Variants in SLC39A11 observed in about 807,000 individuals in gnomAD.
SLC39A11 encodes the protein solute carrier family 39 member 11.
SLC39A11 carries 33 observed loss-of-function variants against 36.1 expected under a neutral mutation model. The observed-to-expected ratio is 0.91, with a 90% CI of 0.69 to 1.22. The LOEUF is 1.22. Ranked by LOEUF, SLC39A11 falls within the 50% of genes most tolerant of loss-of-function variation. SLC39A11 has a pLI of 0.00. For synonymous variants in SLC39A11, 166 were observed against 170.3 expected (o/e 0.97, Z 0.20); for missense variants, 432 against 430.3 (o/e 1.00, Z -0.03).
intron 4 of SLC39A11, among the ~76,000 whole-genome samples, chr17:72,956,895 C>T (rs184672741): frequency 4.6e-5 from 7 of 152,240 alleles, no homozygotes; most frequent in East Asian, 1.9e-4. Context: ...AAAAAACAGC[C>T]GGTTATTATT....
chr17:72,949,157 T>TTTTTTTTTTTTTC (rs2085672501), intron 4 of SLC39A11, among the ~76,000 whole-genome samples: 1 of 117,682 alleles, frequency 8.5e-6, no homozygotes, highest in Non-Finnish European at 1.8e-5. Context: ...TTTTTTTTTT[T>TTTTTTTTTTTTTC]TTTTTTTTTT....
intron 5 of SLC39A11, among the ~76,000 whole-genome samples, chr17:72,897,572 T>A (rs1430553193): frequency 6.6e-6 from 1 of 152,074 alleles, no homozygotes; most frequent in South Asian, 2.1e-4. Context: ...GAGGAGCCGA[T>A]GGGTTGAGTT....
At chr17:72,900,188 A>AAGGAAGGAAG (rs1567912814) in intron 5 of SLC39A11, among the ~76,000 whole-genome samples, 1 of 137,530 alleles carries the variant, frequency 7.3e-6, no homozygotes, top group African/African-American at 3.4e-5. Flanking sequence ...AAAGAAAGAA[A>AAGGAAGGAAG]GAAAGAAAGA....
intron 4 of SLC39A11, among the ~76,000 whole-genome samples, chr17:72,981,022 C>CAAAA (rs959533291): frequency 1.1e-3 from 85 of 78,352 alleles, no homozygotes; most frequent in African/African-American, 3.3e-3. Context: ...GACTCCATCT[C>CAAAA]AAAAAAAAAA....
intron 6 of SLC39A11, among the ~76,000 whole-genome samples, chr17:72,840,652 A>T (rs2078762869): frequency 6.6e-6 from 1 of 151,956 alleles, no homozygotes; most frequent in South Asian, 2.1e-4. Flanking sequence ...CCAGCTACTC[A>T]GGAGGCTGAG....
At chr17:72,748,624 AAAC>A (rs1282138507) in intron 6 of SLC39A11, among the ~76,000 whole-genome samples, 3 of 152,194 alleles carry the variant, frequency 2.0e-5, no homozygotes, top group African/African-American at 7.2e-5. Context: ...CCACATCTTC[AAAC>A]AACAGGTGAA....
intron 5 of SLC39A11, among the ~76,000 whole-genome samples, chr17:72,946,875 C>T (rs1194302256): frequency 6.6e-6 from 1 of 152,216 alleles, no homozygotes; most frequent in African/African-American, 2.4e-5. Flanking sequence ...TCTCAAAGGG[C>T]AACAGCCCAC....
chr17:72,846,233 T>C (rs1341281628), intron 6 of SLC39A11, among the ~76,000 whole-genome samples: 1 of 152,110 alleles, frequency 6.6e-6, no homozygotes, highest in Non-Finnish European at 1.5e-5. Context: ...TTTCGCCATG[T>C]TGGCCAGGCT....
intron 7 of SLC39A11, chr17:72,663,814 A>G (rs1182758047): frequency 6.6e-6 from 1 of 152,242 alleles, no homozygotes; most frequent in South Asian, 2.1e-4. Context: ...TGCAGCAAAC[A>G]CATCAGGGGA....
In SLC39A11 at chr17:72,736,735, G is replaced by C; in HGVS notation, c.602-16C>G. The stretch of plus-strand genomic sequence containing the variant: ...GCGAGACCCTCTGAAATAGATGTAA[G>C]AAAAGCAAGAGGGGTTAGGAATATT... On this transcript the variant is annotated splice_polypyrimidine_tract_variant and intron_variant, in intron 6 of 9. Transcript: ENST00000255559. 6.2e-7 allele frequency: 1 copy of C among 1,606,818 alleles called. No individual in the cohort carries two copies. The highest frequency in any genetic ancestry group is 2.2e-5 in the East Asian group (1 of 44,848).
intron 4 of SLC39A11, among the ~76,000 whole-genome samples, chr17:73,024,737 A>T (rs1021915971): frequency 6.6e-6 from 1 of 151,754 alleles, no homozygotes; most frequent in African/African-American, 2.4e-5. Flanking sequence ...TTGCTATGCC[A>T]CCCAGGCTGG....
At chr17:73,045,616 G>C (rs1284722711) in intron 3 of SLC39A11, among the ~76,000 whole-genome samples, 1 of 151,950 alleles carries the variant, frequency 6.6e-6, no homozygotes, top group Non-Finnish European at 1.5e-5. Context: ...TTTTTTGTTT[G>C]AGTTCAATGT....
chr17:72,809,136 C>T (rs1013655484), intron 6 of SLC39A11, among the ~76,000 whole-genome samples: 3 of 152,072 alleles, frequency 2.0e-5, no homozygotes, highest in African/African-American at 7.2e-5. Context: ...CTCTCTTCCC[C>T]GGAGGATATA....
chr17:73,092,612 AGG>A lies in SLC39A11; in HGVS notation c.-15_-14del, dbSNP rs1174254768. The A allele has an allele frequency of 1.3e-5, 2 of 152,974 alleles. No individual in the cohort carries two copies. Among genetic ancestry groups the A allele is most frequent in the African/African-American group, 4.8e-5 (2 of 41,432 alleles). The allele number at this position is 152,974 out of a possible 1,614,324, so 9.5% of individuals were successfully genotyped here. On this transcript the variant is annotated splice_region_variant and 5_prime_UTR_variant, in exon 1 of 10. Coordinates refer to ENST00000255559, the MANE Select transcript of SLC39A11 (RefSeq NM_139177.4). ...CGAAGGAGAGAAAAGCCAACTCACTAGGGTGCCCTCTCCAGCCCCCACTGCAC... is the reference window on the plus strand; with the variant it reads ...CGAAGGAGAGAAAAGCCAACTCACTAGTGCCCTCTCCAGCCCCCACTGCAC...
Position 72,692,797 on chromosome 17 carries a change from G to A in SLC39A11, c.672-43529C>T, listed in dbSNP as rs555115843. Among the ~76,000 whole-genome samples the A allele has an allele frequency of 3.9e-5, 6 of 152,278 alleles. No homozygotes were observed. In the South Asian group the frequency reaches 1.0e-3, roughly 26 times the overall value. On this transcript the variant is annotated intron_variant, in intron 7 of 9. Coordinates refer to ENST00000255559, the MANE Select transcript of SLC39A11 (RefSeq NM_139177.4). ...TGTCCATGAGATACTTGTACACACA[G>A]GACAACTTGGGACTGGAAAAAAGAA...
intron 6 of SLC39A11, among the ~76,000 whole-genome samples, chr17:72,849,095 A>T (rs1185592986): frequency 1.4e-5 from 2 of 145,216 alleles, no homozygotes; most frequent in Non-Finnish European, 3.1e-5. Flanking sequence ...ATAAGATAAC[A>T]TATATTTACT....
intron 7 of SLC39A11, among the ~76,000 whole-genome samples, chr17:72,728,862 G>A (rs2074040248): frequency 6.6e-6 from 1 of 151,944 alleles, no homozygotes; most frequent in African/African-American, 2.4e-5. Context: ...CTTGTCACTT[G>A]GACTCAAATT....
chr17:73,043,931 A>G (rs1432277783), intron 3 of SLC39A11, among the ~76,000 whole-genome samples: 2 of 152,202 alleles, frequency 1.3e-5, no homozygotes, highest in Non-Finnish European at 2.9e-5. Context: ...TGCTTTTATC[A>G]AGAAGCCTTC....
intron 5 of SLC39A11, among the ~76,000 whole-genome samples, chr17:72,897,052 C>CAAAAAAAAAA (rs10656675): frequency 8.4e-4 from 54 of 64,054 alleles, no homozygotes; most frequent in African/African-American, 1.1e-3. Context: ...GACTCTGTCT[C>CAAAAAAAAAA]AAAAAAAAAA....
Sources: allele counts gnomAD v4.1 joint callset (sites outside exome capture counted in the v4.1 genomes callset), GRCh38; gene constraint gnomAD v4.1.1; transcripts MANE v1.5; gene names NCBI Gene and HGNC (gene_info 2026-07-23, HGNC 2026-07-21).